Variants in XPO4 observed in about 807,000 individuals in gnomAD.
The protein encoded by XPO4 is exportin-4.
Under a neutral mutation model 143.0 loss-of-function variants are expected in XPO4, and 39 were observed. The ratio of observed to expected loss-of-function variants is 0.27; its 90% CI spans 0.21 to 0.36. XPO4 has a LOEUF of 0.36. Among genes scored for constraint, XPO4 ranks in the 10% least tolerant of loss-of-function variants. The pLI is 1.00. For missense variants in XPO4, 907 were observed against 1,348.0 expected (o/e 0.67, Z 5.12); for synonymous variants, 439 against 474.0 (o/e 0.93, Z 0.96).
chr13:20,894,880 A>G (rs2060553146), intron 1 of XPO4, among the ~76,000 whole-genome samples: 1 of 150,858 alleles, frequency 6.6e-6, no homozygotes, highest in Admixed American at 6.6e-5. Flanking sequence ...TTTTTTTAAA[A>G]CACATGCAAC....
chr13:20,811,497 A>G (rs2059581650), intron 9 of XPO4, among the ~76,000 whole-genome samples: 1 of 152,120 alleles, frequency 6.6e-6, no homozygotes, highest in Non-Finnish European at 1.5e-5. Flanking sequence ...CATGTTGGCC[A>G]GGATGGTCTC....
intron 8 of XPO4, 120 bp downstream of exon 8, chr13:20,822,012 A>G: frequency 7.3e-7 from 1 of 1,376,494 alleles, no homozygotes; most frequent in African/African-American, 1.5e-5. Flanking sequence ...ATTTCAAATT[A>G]CCCATATGAC....
rs144907411 is a variant in XPO4, at chr13:20,854,071, G to T, written c.456+1556C>A. 9.9e-5 allele frequency among the ~76,000 whole-genome samples: 15 copies of T among 152,210 alleles called. No individual in the cohort carries two copies. The East Asian group carries it at 2.3e-3, about 23-fold the overall frequency. ...CTTAACGAGGTGTGCATTTTAGACA[G>T]ACATAGTAATGCATGTAAATTACTT... is the stretch of plus-strand genomic sequence containing the variant. On this transcript the variant is annotated intron_variant, in intron 4 of 22. Transcript: ENST00000255305.
chr13:20,892,226 A>AAT (rs2060525115), intron 1 of XPO4, among the ~76,000 whole-genome samples: 3 of 152,046 alleles, frequency 2.0e-5, no homozygotes, highest in Non-Finnish European at 4.4e-5. Context: ...AGCTGGGATT[A>AAT]CACACATGCA....
intron 9 of XPO4, among the ~76,000 whole-genome samples, chr13:20,810,800 C>A (rs1047700411): frequency 6.6e-6 from 1 of 152,204 alleles, no homozygotes; most frequent in Non-Finnish European, 1.5e-5. Flanking sequence ...AGGCTGTATA[C>A]GCTTCAAGAT....
chr13:20,876,468 G>C (rs2060354791), intron 1 of XPO4, among the ~76,000 whole-genome samples: 1 of 151,968 alleles, frequency 6.6e-6, no homozygotes, highest in Non-Finnish European at 1.5e-5. Context: ...AATAGTGCTG[G>C]AACAACTGGC....
At chr13:20,834,151 A>G (rs2138024567) in intron 6 of XPO4, among the ~76,000 whole-genome samples, 1 of 152,290 alleles carries the variant, frequency 6.6e-6, no homozygotes, top group South Asian at 2.1e-4. Context: ...GTAGGTGGAT[A>G]CTTTCATAAA....
intron 1 of XPO4, among the ~76,000 whole-genome samples, chr13:20,875,263 C>A (rs1409850185): frequency 6.6e-6 from 1 of 152,132 alleles, no homozygotes; most frequent in Non-Finnish European, 1.5e-5. Context: ...TCCATTAACA[C>A]AAAATGAAAC....
At chr13:20,789,213 T>A (rs562104621) in intron 19 of XPO4, among the ~76,000 whole-genome samples, 35 of 152,310 alleles carry the variant, frequency 2.3e-4, no homozygotes, top group Non-Finnish European at 3.5e-4. Context: ...GAGAGTTGAC[T>A]AAACTTCCTC....
intron 2 of XPO4, among the ~76,000 whole-genome samples, chr13:20,866,926 G>A (rs2060249383): frequency 6.6e-6 from 1 of 152,182 alleles, no homozygotes; most frequent in African/African-American, 2.4e-5. Flanking sequence ...TAGAAAGTCA[G>A]ATGAAACACT....
intron 1 of XPO4, chr13:20,902,310 T>C: frequency 2.0e-6 from 2 of 985,276 alleles, no homozygotes; most frequent in Non-Finnish European, 1.2e-6. Context: ...GCCCTACAAA[T>C]TTCCCCTACC....
chr13:20,861,777 C>CTCTTTTTTTT (rs1370810623), intron 3 of XPO4, among the ~76,000 whole-genome samples: 7 of 73,442 alleles, frequency 9.5e-5, no homozygotes, highest in African/African-American at 3.4e-4. Flanking sequence ...ACATTTCTCT[C>CTCTTTTTTTT]TTTTTTTTTT....
At chr13:20,861,923 G>C (rs2060204245) in intron 3 of XPO4, among the ~76,000 whole-genome samples, 2 of 151,656 alleles carry the variant, frequency 1.3e-5, no homozygotes, top group Admixed American at 1.3e-4. Context: ...CGAGTAGCTG[G>C]GACTAGAGGC....
At chr13:20,844,959 T>C (rs1205801714) in intron 4 of XPO4, among the ~76,000 whole-genome samples, 4 of 152,126 alleles carry the variant, frequency 2.6e-5, no homozygotes, top group African/African-American at 9.7e-5. Context: ...TCACCTGAGG[T>C]CAGGAGTTCG....
At chr13:20,832,785 A>G (rs900258526) in intron 6 of XPO4, among the ~76,000 whole-genome samples, 5 of 152,178 alleles carry the variant, frequency 3.3e-5, no homozygotes, top group African/African-American at 1.2e-4. Flanking sequence ...GAGTGACCTT[A>G]CCTGAATGTT....
intron 1 of XPO4, among the ~76,000 whole-genome samples, chr13:20,897,721 A>C (rs1341706275): frequency 6.6e-6 from 1 of 152,156 alleles, no homozygotes; most frequent in African/African-American, 2.4e-5. Flanking sequence ...ATCATTTGCC[A>C]TCTCTGAATA....
At position 20,827,116 on chromosome 13, in the gene XPO4, G is replaced by T; in HGVS notation, c.791C>A (p.Ser264Tyr). Residue 264 changes from serine to tyrosine, a missense_variant, in exon 7 of 23, where the codon TCC (serine) becomes TAC (tyrosine). By Grantham distance (144) the Ser-to-Tyr change is moderately radical. Coordinates refer to ENST00000255305, the MANE Select transcript of XPO4 (RefSeq NM_022459.5). ...GCTGTCCAGAAGAGTCTCCCGCCAGGACTCTGTTGGCTTCAACAGCACATT... is the reference window on the plus strand; with the variant it reads ...GCTGTCCAGAAGAGTCTCCCGCCAGTACTCTGTTGGCTTCAACAGCACATT... ...SQNVLLKPTE[S>Y]WRETLLDSRV... 6.2e-7 allele frequency: 1 copy of T among 1,613,954 alleles called. No homozygotes were observed. Among genetic ancestry groups the T allele is most frequent in the East Asian group, 2.2e-5 (1 of 44,858 alleles).
intron 1 of XPO4, among the ~76,000 whole-genome samples, chr13:20,895,108 G>A (rs1439083397): frequency 1.3e-5 from 2 of 151,912 alleles, no homozygotes; most frequent in East Asian, 3.9e-4. Flanking sequence ...AACCCGGGAG[G>A]CAGGGGTGGC....
At chr13:20,843,075 T>C in intron 5 of XPO4, 27 bp from the exon 6 acceptor site, 2 of 1,556,116 alleles carry the variant, frequency 1.3e-6, no homozygotes, top group Non-Finnish European at 1.7e-6. Context: ...ACAAATATTT[T>C]ATATGAAAAA....
Sources: allele counts gnomAD v4.1 joint callset (sites outside exome capture counted in the v4.1 genomes callset), GRCh38; gene constraint gnomAD v4.1.1; transcripts MANE v1.5; gene names NCBI Gene and HGNC (gene_info 2026-07-23, HGNC 2026-07-21).